LIMD1: variants seen among roughly 807,000 people sequenced by gnomAD.
The protein encoded by LIMD1 is LIM domain-containing protein 1.
Under a neutral mutation model 58.4 loss-of-function variants are expected in LIMD1, and 23 were observed. That is an observed-to-expected ratio of 0.39 (90% confidence interval 0.28 to 0.56). The LOEUF is 0.56. Ranked by LOEUF, LIMD1 falls within the 20% of genes least tolerant of loss-of-function variation. The pLI is 0.57. For synonymous variants in LIMD1, 334 were observed against 345.5 expected, an observed-to-expected ratio of 0.97 and a Z score of 0.37; for missense variants, 838 against 855.5, an observed-to-expected ratio of 0.98 and a Z score of 0.25.
chr3:45,673,391 A>T, intron 5 of LIMD1, 63 bp from the exon 6 acceptor site: 1 of 1,338,406 alleles, frequency 7.5e-7, no homozygotes, highest in Non-Finnish European at 1.1e-6. Context: ...TTCCAAGTGC[A>T]AGTCTGACTC....
At chr3:45,639,369 A>G (rs550828823) in intron 2 of LIMD1, among the ~76,000 whole-genome samples, 1 of 152,370 alleles carries the variant, frequency 6.6e-6, no homozygotes, top group South Asian at 2.1e-4. Context: ...AGGGAAAACC[A>G]ATTGATGAGC....
intron 2 of LIMD1, among the ~76,000 whole-genome samples, chr3:45,646,029 C>CA (rs35353411): frequency 0.078 from 7,546 of 96,550 alleles, 233 homozygotes; most frequent in Non-Finnish European, 0.097. Flanking sequence ...GACTCTGTCT[C>CA]AAAAAAAAAA....
rs963846246 is a variant in LIMD1, at chr3:45,617,758, T to C, written c.1409-18392T>C. Among the ~76,000 whole-genome samples, 16 of 152,150 alleles carry C rather than the reference T, an allele frequency of 1.1e-4. 1 individual carries two copies. The highest frequency in any genetic ancestry group is 3.6e-4 in the African/African-American group (15 of 41,444). ...TGCTGGAGGCTGTCCCTTGCCTGGCTGGCAGCAACCAAGCCTTCTGCTTCT... is the reference window on the plus strand; with the variant it reads ...TGCTGGAGGCTGTCCCTTGCCTGGCCGGCAGCAACCAAGCCTTCTGCTTCT... On this transcript the variant is annotated intron_variant, in intron 1 of 7. Coordinates refer to ENST00000273317, the MANE Select transcript of LIMD1 (RefSeq NM_014240.3).
chr3:45,666,024 C>T (rs1220045890), intron 3 of LIMD1, among the ~76,000 whole-genome samples: 2 of 152,184 alleles, frequency 1.3e-5, no homozygotes, highest in East Asian at 3.8e-4. Flanking sequence ...CTCTTCTTCT[C>T]ATCCCACTCT....
At chr3:45,644,786 A>AC (rs140138576) in intron 2 of LIMD1, among the ~76,000 whole-genome samples, 4,603 of 152,252 alleles carry the variant, frequency 0.03, 75 homozygotes, top group Non-Finnish European at 0.041. Context: ...CCTTGCCTTG[A>AC]CTTTTCAGGT....
chr3:45,624,034 C>T (rs1189584132), intron 1 of LIMD1, among the ~76,000 whole-genome samples: 1 of 152,188 alleles, frequency 6.6e-6, no homozygotes, highest in Non-Finnish European at 1.5e-5. Flanking sequence ...AGCTCTGTCC[C>T]AAGGACTTGG....
At chr3:45,632,525 G>A in intron 1 of LIMD1, 1 of 985,410 alleles carries the variant, frequency 1.0e-6, no homozygotes, top group Non-Finnish European at 1.2e-6. Flanking sequence ...GAACAGACAT[G>A]TGTGCCCAAG....
chr3:45,598,538 C>G (rs534274480), intron 1 of LIMD1, among the ~76,000 whole-genome samples: 88 of 152,324 alleles, frequency 5.8e-4, no homozygotes, highest in African/African-American at 2.1e-3. Context: ...AGGCCATGCT[C>G]TATTCCAGGT....
chr3:45,610,526 GGCAGGGA>G (rs1482487493), intron 1 of LIMD1, among the ~76,000 whole-genome samples: 1 of 152,192 alleles, frequency 6.6e-6, no homozygotes, highest in Non-Finnish European at 1.5e-5. Flanking sequence ...GCGCAGGTTT[GGCAGGGA>G]GCAGGGAGAC....
intron 1 of LIMD1, among the ~76,000 whole-genome samples, chr3:45,610,329 G>T (rs575827780): frequency 6.6e-6 from 1 of 152,322 alleles, no homozygotes; most frequent in South Asian, 2.1e-4. Context: ...TGACGTGGTA[G>T]GGAGGCAGGG....
In LIMD1 at chr3:45,606,466, G is replaced by A. The variant is rs1575343254; in HGVS notation, c.1408+10179G>A. 3.3e-5 allele frequency among the ~76,000 whole-genome samples: 5 copies of A among 152,346 alleles called. No individual in the cohort carries two copies. In the South Asian group the frequency reaches 1.0e-3, roughly 32 times the overall value. On this transcript the variant is annotated intron_variant, in intron 1 of 7. Transcript: ENST00000273317. ...AGGCATGCCTGAGCTGACTGGAGGA[G>A]TTGGGTCCCACTCTTGCAACGAGAG... is the stretch of plus-strand genomic sequence containing the variant.
chr3:45,673,563 G>A, intron 6 of LIMD1, 58 bp downstream of exon 6: 1 of 1,334,920 alleles, frequency 7.5e-7, no homozygotes. Flanking sequence ...TATCTCCCTG[G>A]GCTCATTTAC....
chr3:45,672,687 C>T lies in LIMD1; in HGVS notation c.1642-3C>T, dbSNP rs902773789. ...CCCCACTGAGTCTTGGTCTCTGCTC[C>T]AGATCCTGCAAGCCCTGGGGAAGTC... On this transcript the variant is annotated splice_region_variant and splice_polypyrimidine_tract_variant and intron_variant, in intron 4 of 7. Transcript: ENST00000273317. The T allele has an allele frequency of 2.3e-5, 37 of 1,613,458 alleles. No homozygotes were observed. In the Admixed American group the frequency reaches 4.5e-4, roughly 20 times the overall value.
chr3:45,616,340 A>G (rs1331009412), intron 1 of LIMD1, among the ~76,000 whole-genome samples: 1 of 152,142 alleles, frequency 6.6e-6, no homozygotes, highest in Non-Finnish European at 1.5e-5. Flanking sequence ...ACAAGTGTCA[A>G]TGAGTTGAGA....
chr3:45,594,786 C>T lies in LIMD1; in HGVS notation c.-94C>T, dbSNP rs1701313786. 1.6e-5 allele frequency: 1 copy of T among 60,752 alleles called. No individual in the cohort carries two copies. The highest frequency in any genetic ancestry group is 2.7e-5 in the Non-Finnish European group (1 of 36,672). The allele number at this position is 60,752 out of a possible 1,614,324, so 3.8% of individuals were successfully genotyped here. ...ATCTCCCCGCTGCCCTCAACACACA[C>T]ACACACACACACACACACACACACA... On this transcript the variant is annotated 5_prime_UTR_variant, in exon 1 of 8. Transcript: ENST00000273317.
intron 2 of LIMD1, among the ~76,000 whole-genome samples, chr3:45,653,544 A>G (rs1483044121): frequency 6.6e-6 from 1 of 152,186 alleles, no homozygotes; most frequent in Non-Finnish European, 1.5e-5. Context: ...AGCCTGCAAA[A>G]TCGAGGCTGG....
chr3:45,663,596 T>G (rs975178643), intron 2 of LIMD1, among the ~76,000 whole-genome samples: 3 of 152,180 alleles, frequency 2.0e-5, no homozygotes, highest in African/African-American at 7.2e-5. Context: ...ATAATCCTGG[T>G]TATTCCTAAG....
chr3:45,671,797 C>T (rs1697588263), intron 4 of LIMD1, among the ~76,000 whole-genome samples: 1 of 152,170 alleles, frequency 6.6e-6, no homozygotes, highest in South Asian at 2.1e-4. Flanking sequence ...GGTCTGGGGC[C>T]ACACACATTT....
Position 45,596,403 on chromosome 3 carries a change from GT to G in LIMD1, c.1408+123del. 19 of 815,622 alleles carry G rather than the reference GT, an allele frequency of 2.3e-5. No homozygotes were observed. The South Asian group carries it at 3.0e-4, about 13-fold the overall frequency. 50.5% of individuals were successfully genotyped at this position (815,622 alleles called of 1,614,324 possible). ...GTAGTTACCTCTCTTTGAGTGGCCTGTTTTTTTATTTTTTTGTTTTGGGCTT... is the reference window on the plus strand; with the variant it reads ...GTAGTTACCTCTCTTTGAGTGGCCTGTTTTTTATTTTTTTGTTTTGGGCTT... On this transcript the variant is annotated intron_variant, in intron 1 of 7. Transcript: ENST00000273317.
Sources: allele counts gnomAD v4.1 joint callset (sites outside exome capture counted in the v4.1 genomes callset), GRCh38; gene constraint gnomAD v4.1.1; transcripts MANE v1.5; gene names NCBI Gene and HGNC (gene_info 2026-07-23, HGNC 2026-07-21).